Variants in TGM3 observed in about 807,000 individuals in gnomAD.
TGM3 encodes the protein protein-glutamine gamma-glutamyltransferase E.
In TGM3, 52 loss-of-function variants were observed where a neutral mutation model predicts 73.8. The observed-to-expected ratio is 0.70, with a 90% CI of 0.56 to 0.89. The LOEUF is 0.89. Ranked by LOEUF, TGM3 falls within the 40% of genes least tolerant of loss-of-function variation. The pLI is 0.00. For synonymous variants in TGM3, 372 were observed against 354.9 expected (o/e 1.05, Z -0.54); for missense variants, 928 against 909.9 (o/e 1.02, Z -0.26).
Position 2,317,137 on chromosome 20 carries a change from C to A in TGM3, c.739C>A (p.Pro247Thr). 1 of 1,613,972 alleles carries A rather than the reference C, an allele frequency of 6.2e-7. No individual in the cohort carries two copies. Among genetic ancestry groups the A allele is most frequent in the Non-Finnish European group, 8.5e-7 (1 of 1,179,996 alleles). ...CGGCACTTACACCGGTGGCCGGGAC[C>A]CAAGGAGCTGGAACGGCAGCGTGGA... Reference protein sequence around the residue: ...WSGTYTGGRDPRSWNGSVEIL... With the variant: ...WSGTYTGGRDTRSWNGSVEIL... The change falls in exon 6 of 13, where the codon CCA becomes ACA. Residue 247 changes from proline (P) to threonine (T), a missense_variant. Pro to Thr is a conservative substitution (Grantham distance 38). Transcript: ENST00000381458.
At chr20:2,297,382 G>A (rs214763) in intron 1 of TGM3, among the ~76,000 whole-genome samples, 112,505 of 152,076 alleles carry the variant, frequency 0.74, 43,511 homozygotes, top group East Asian at 0.93. Context: ...TGAGCCTCAA[G>A]TTTTCAAGAT....
At chr20:2,302,874 C>T (rs1051561542) in intron 1 of TGM3, among the ~76,000 whole-genome samples, 7 of 152,216 alleles carry the variant, frequency 4.6e-5, no homozygotes, top group Non-Finnish European at 1.0e-4. Flanking sequence ...AATAGACTCT[C>T]ATTCAGCCAT....
intron 5 of TGM3, 80 bp from the exon 6 acceptor site, chr20:2,316,988 T>C: frequency 1.3e-6 from 2 of 1,529,692 alleles, no homozygotes; most frequent in South Asian, 2.3e-5. Context: ...CTCCCCACCT[T>C]GTCCTCTGAA....
At chr20:2,316,122 G>A (rs2084231878) in intron 5 of TGM3, among the ~76,000 whole-genome samples, 1 of 152,296 alleles carries the variant, frequency 6.6e-6, no homozygotes, top group Non-Finnish European at 1.5e-5. Context: ...TTCTAGTCCA[G>A]TGATCTTTCC....
chr20:2,333,642 C>T (rs997394995), intron 10 of TGM3, among the ~76,000 whole-genome samples: 5 of 152,168 alleles, frequency 3.3e-5, no homozygotes, highest in Admixed American at 6.5e-5. Flanking sequence ...GCAATTTTCC[C>T]GCCTTGGCTT....
chr20:2,327,281 T>C (rs989711351), intron 8 of TGM3, among the ~76,000 whole-genome samples: 2 of 151,294 alleles, frequency 1.3e-5, no homozygotes, highest in African/African-American at 4.9e-5. Flanking sequence ...CCATCCTGGC[T>C]AACATGGTGA....
At chr20:2,301,300 T>A (rs1410275622) in intron 1 of TGM3, among the ~76,000 whole-genome samples, 2 of 150,930 alleles carry the variant, frequency 1.3e-5, no homozygotes, top group Non-Finnish European at 2.9e-5. Flanking sequence ...GGAAGTGGGA[T>A]GACTCACAGC....
chr20:2,318,465 C>G (rs1472749376), intron 7 of TGM3, among the ~76,000 whole-genome samples: 1 of 152,040 alleles, frequency 6.6e-6, no homozygotes, highest in Non-Finnish European at 1.5e-5. Context: ...CTGCATAGAG[C>G]ACTAGATAGA....
chr20:2,335,258 C>T lies in TGM3; in HGVS notation c.1785C>T (p.Pro595=). ...VVERDIILDN[P]TLTLEVLNEA... ...AGCGGGACATCATCCTGGACAACCCCACCTTGACCCTGGAGGTAATGGGGC... is the reference window on the plus strand; with the variant it reads ...AGCGGGACATCATCCTGGACAACCCTACCTTGACCCTGGAGGTAATGGGGC... The change falls in exon 11 of 13, where the codon CCC becomes CCT. Residue 595 remains proline (P), a synonymous_variant. Transcript: ENST00000381458. 6.2e-7 allele frequency: 1 copy of T among 1,614,124 alleles called. No individual in the cohort carries two copies. Among genetic ancestry groups the T allele is most frequent in the Non-Finnish European group, 8.5e-7 (1 of 1,180,032 alleles).
In TGM3 at chr20:2,334,804, A is replaced by G. The variant is rs145422154; in HGVS notation, c.1643-312A>G. On this transcript the variant is annotated intron_variant, in intron 10 of 12. Coordinates refer to ENST00000381458, the MANE Select transcript of TGM3 (RefSeq NM_003245.4). This position sits in a 1 kb window ranked among gnomAD's most constrained non-coding sequence, Gnocchi z 4.0. The stretch of plus-strand genomic sequence containing the variant: ...ACAAATAATTTAAAAAATTTTAAAA[A>G]AAAAGGACACTTGCCCTCCAACATT... Among the ~76,000 whole-genome samples, 15 of 152,326 alleles carry G rather than the reference A, an allele frequency of 9.8e-5. No homozygotes were observed. The highest frequency in any genetic ancestry group is 5.8e-4 in the East Asian group (3 of 5,178).
At chr20:2,305,958 C>T (rs11906052) in intron 1 of TGM3, among the ~76,000 whole-genome samples, 2,926 of 152,324 alleles carry the variant, frequency 0.019, 95 homozygotes, top group African/African-American at 0.067. Flanking sequence ...ACCACAGTCA[C>T]CCCAGGTCTG....
At chr20:2,305,239 G>T (rs1218764223) in intron 1 of TGM3, among the ~76,000 whole-genome samples, 5 of 64,728 alleles carry the variant, frequency 7.7e-5, no homozygotes, top group African/African-American at 1.7e-4. Flanking sequence ...AAGGCTGAAA[G>T]TCCCAAGTCT....
chr20:2,315,012 C>T (rs893640809), intron 5 of TGM3, among the ~76,000 whole-genome samples: 2 of 151,970 alleles, frequency 1.3e-5, no homozygotes, highest in African/African-American at 2.4e-5. Context: ...TAAGGTGGGC[C>T]CAGGGAACTT....
chr20:2,321,387 ACT>A (rs1568628502), intron 7 of TGM3, among the ~76,000 whole-genome samples: 1 of 152,082 alleles, frequency 6.6e-6, no homozygotes, highest in Non-Finnish European at 1.5e-5. Flanking sequence ...TATTATTGGC[ACT>A]CTCTTGGCGT....
rs996071053 is a variant in TGM3 at position 2,335,383 on chromosome 20, T to A, written c.1800+110T>A. On this transcript the variant is annotated intron_variant, in intron 11 of 12. Transcript: ENST00000381458. ...AGCTCTCCCAGAGGGCAAAGGAGAGTTTTTTCTTGCTGGGAGGGGCAGAGA... is the reference window on the plus strand; with the variant it reads ...AGCTCTCCCAGAGGGCAAAGGAGAGATTTTTCTTGCTGGGAGGGGCAGAGA... 4.3e-6 allele frequency: 6 copies of A among 1,383,612 alleles called. No individual in the cohort carries two copies. In the African/African-American group the frequency reaches 7.3e-5, roughly 17 times the overall value. 85.7% of individuals were successfully genotyped at this position (1,383,612 alleles called of 1,614,324 possible). A position where few individuals can be genotyped will look rare whatever the true frequency, so the allele number is the denominator to read the frequency against.
At chr20:2,316,003 C>T (rs1269799883) in intron 5 of TGM3, among the ~76,000 whole-genome samples, 2 of 152,212 alleles carry the variant, frequency 1.3e-5, no homozygotes, top group Admixed American at 1.3e-4. Context: ...CTGCGACCCT[C>T]TCTTTCACAG....
intron 11 of TGM3, among the ~76,000 whole-genome samples, chr20:2,336,524 G>T (rs2084352160): frequency 6.6e-6 from 1 of 150,946 alleles, no homozygotes; most frequent in Admixed American, 6.6e-5. Context: ...TAAGCTGTAA[G>T]CTGGCTGCAG....
Position 2,317,215 on chromosome 20 carries a change from T to A in TGM3, c.817T>A (p.Cys273Ser). 1 of 1,614,188 alleles carries A rather than the reference T, an allele frequency of 6.2e-7. No individual in the cohort carries two copies. Among genetic ancestry groups the A allele is most frequent in the East Asian group, 2.2e-5 (1 of 44,876 alleles). ...SGFSPVRYGQ[C>S]WVFAGTLNTA... Reference sequence around the variant, plus strand: ...CTTCAGCCCAGTCCGATATGGCCAGTGCTGGGTCTTTGCTGGGACCCTCAA... The same window carrying A: ...CTTCAGCCCAGTCCGATATGGCCAGAGCTGGGTCTTTGCTGGGACCCTCAA... The change falls in exon 6 of 13, where the codon TGC (cysteine) becomes AGC (serine). Residue 273 changes from cysteine (C) to serine (S), a missense_variant. Coordinates refer to ENST00000381458, the MANE Select transcript of TGM3 (RefSeq NM_003245.4).
At chr20:2,329,414 T>C (rs996030255) in intron 9 of TGM3, among the ~76,000 whole-genome samples, 1 of 152,158 alleles carries the variant, frequency 6.6e-6, no homozygotes, top group Non-Finnish European at 1.5e-5. Context: ...TTTAGGGTTA[T>C]GAGATTGGTG....
Sources: gnomAD v4.1 joint callset for allele counts (sites outside exome capture counted in the v4.1 genomes callset) on GRCh38, gnomAD v4.1.1 for gene constraint, Gnocchi (gnomAD v3.1) non-coding constraint, MANE v1.5 for transcripts, NCBI Gene and HGNC (gene_info 2026-07-23, HGNC 2026-07-21) for gene names.